The following NRCAM variants were observed in gnomAD, a reference collection of about 807,000 sequenced individuals.
NRCAM encodes NgCAM-related cell adhesion molecule.
NRCAM carries 83 observed loss-of-function variants against 156.5 expected under a neutral mutation model. That is an observed-to-expected ratio of 0.53 (90% CI 0.44 to 0.64). The LOEUF (loss-of-function observed/expected upper bound fraction) is 0.64. NRCAM is among the 30% of genes least tolerant of loss of function. The pLI is 0.00. For synonymous variants in NRCAM, 538 were observed against 563.9 expected, an observed-to-expected ratio of 0.95 and a Z score of 0.65; for missense variants, 1,417 against 1,597.3, an observed-to-expected ratio of 0.89 and a Z score of 1.92.
chr7:108,455,770 C>G (rs913110399), intron 1 of NRCAM, among the ~76,000 whole-genome samples: 1 of 152,200 alleles, frequency 6.6e-6, no homozygotes, highest in Non-Finnish European at 1.5e-5. Flanking sequence ...CGGCCCGGCC[C>G]CCGCGCTCCT....
At chr7:108,231,288 T>C in intron 7 of NRCAM, 135 bp from the exon 8 acceptor site, 1 of 600,352 alleles carries the variant, frequency 1.7e-6, no homozygotes, top group South Asian at 2.7e-5. Flanking sequence ...TGAGAAAATA[T>C]TTTTAAATAC....
At position 108,180,399 on chromosome 7, in the gene NRCAM, G is replaced by A; in HGVS notation, c.2675C>T (p.Ser892Phe). The part of the protein sequence containing the change: ...RIYYWKTQSS[S>F]KRNRRHIEKK... ...CTCAATGTGACGTCTGTTTCTTTTA[G>A]ATGAACTCTGGGTCTTCCAATAGTA... The change falls in exon 25 of 33, where the codon TCT (serine) becomes TTT (phenylalanine). Residue 892 changes from serine (S) to phenylalanine (F), a missense_variant. Ser to Phe is a radical substitution (Grantham distance 155). Around this residue, in one of 2 missense-constraint regions of NRCAM, gnomAD observed 1,238 missense variants for 1,336.4 expected, o/e 0.93. Transcript: ENST00000379028. 6.2e-7 allele frequency: 1 copy of A among 1,614,176 alleles called. No individual in the cohort carries two copies. Among genetic ancestry groups the A allele is most frequent in the Admixed American group, 1.7e-5 (1 of 60,032 alleles).
intron 32 of NRCAM, among the ~76,000 whole-genome samples, chr7:108,155,101 T>TAC (rs58111040): frequency 2.4e-3 from 291 of 123,100 alleles, no homozygotes; most frequent in Middle Eastern, 0.013. Context: ...TATATATATA[T>TAC]ACACACACAC....
At chr7:108,157,860 G>A (rs549073440) in intron 32 of NRCAM, among the ~76,000 whole-genome samples, 1 of 152,248 alleles carries the variant, frequency 6.6e-6, no homozygotes, top group South Asian at 2.1e-4. Context: ...GAGAATGTAT[G>A]AAGGACAATG....
At chr7:108,181,765 G>T in intron 24 of NRCAM, 57 bp downstream of exon 24, 1 of 1,160,318 alleles carries the variant, frequency 8.6e-7, no homozygotes, top group Non-Finnish European at 1.3e-6. Context: ...TGCATGACAA[G>T]TGGCATTCGC....
intron 2 of NRCAM, among the ~76,000 whole-genome samples, chr7:108,358,611 C>T (rs2099524994): frequency 6.6e-6 from 1 of 152,192 alleles, no homozygotes; most frequent in Admixed American, 6.5e-5. Flanking sequence ...CTCCTGAAAG[C>T]TTGCATCTCT....
rs115042173 is a variant in NRCAM at position 108,207,417 on chromosome 7, T to G, written c.1207+111A>C. 15 of 1,059,482 alleles carry G rather than the reference T, an allele frequency of 1.4e-5. No homozygotes were observed. In the Admixed American group the frequency reaches 3.6e-4, roughly 26 times the overall value. The allele number at this position is 1,059,482 out of a possible 1,614,324, so 65.6% of individuals were successfully genotyped here. On this transcript the variant is annotated intron_variant, in intron 13 of 32. Transcript: ENST00000379028. ...ATTTGGTGCCTGTGTTTAACATACA[T>G]GTGGCTTCCTTCCTTAACCTGAGTT...
At chr7:108,390,698 T>A (rs2099756953) in intron 2 of NRCAM, among the ~76,000 whole-genome samples, 1 of 152,208 alleles carries the variant, frequency 6.6e-6, no homozygotes, top group South Asian at 2.1e-4. Flanking sequence ...CTGCTTTCCC[T>A]TGTGGGCATT....
chr7:108,258,975 C>G (rs1027653654), intron 3 of NRCAM, among the ~76,000 whole-genome samples: 4 of 152,170 alleles, frequency 2.6e-5, no homozygotes, highest in Non-Finnish European at 5.9e-5. Flanking sequence ...TACTTACATT[C>G]AAATTAAGAT....
chr7:108,187,114 T>C (rs1015479158), intron 20 of NRCAM, among the ~76,000 whole-genome samples: 1 of 152,174 alleles, frequency 6.6e-6, no homozygotes. Flanking sequence ...ACCATGGTCT[T>C]ACCCAGTCTG....
At chr7:108,338,292 G>T (rs1255404854) in intron 2 of NRCAM, among the ~76,000 whole-genome samples, 1 of 152,174 alleles carries the variant, frequency 6.6e-6, no homozygotes, top group Non-Finnish European at 1.5e-5. Context: ...CCTTACCTCT[G>T]AATCTACTTC....
intron 1 of NRCAM, among the ~76,000 whole-genome samples, chr7:108,412,607 A>G (rs916838040): frequency 2.6e-5 from 4 of 152,166 alleles, no homozygotes; most frequent in Non-Finnish European, 5.9e-5. Flanking sequence ...ATATGTTAAT[A>G]ACTATAGTCA....
chr7:108,391,497 C>T (rs1292412631), intron 2 of NRCAM, among the ~76,000 whole-genome samples: 9 of 151,914 alleles, frequency 5.9e-5, no homozygotes, highest in African/African-American at 2.2e-4. Flanking sequence ...TTCCTGAATA[C>T]AGCACACTGA....
intron 1 of NRCAM, among the ~76,000 whole-genome samples, chr7:108,429,090 T>C (rs1229593348): frequency 6.6e-6 from 1 of 152,216 alleles, no homozygotes; most frequent in African/African-American, 2.4e-5. Flanking sequence ...TATATGTCCT[T>C]AATTGACAAC....
At chr7:108,275,565 G>A (rs1173746243) in intron 3 of NRCAM, among the ~76,000 whole-genome samples, 1 of 152,174 alleles carries the variant, frequency 6.6e-6, no homozygotes, top group Non-Finnish European at 1.5e-5. Context: ...TTGTATTTCT[G>A]CGGGATCGAT....
intron 1 of NRCAM, among the ~76,000 whole-genome samples, chr7:108,426,192 T>C (rs1449009782): frequency 6.6e-6 from 1 of 152,218 alleles, no homozygotes; most frequent in Non-Finnish European, 1.5e-5. Flanking sequence ...ATGTGTCTAA[T>C]TTTATGTTCA....
chr7:108,381,562 T>C (rs60293099), intron 2 of NRCAM, among the ~76,000 whole-genome samples: 20,096 of 104,794 alleles, frequency 0.19, 1,167 homozygotes, highest in East Asian at 0.45. Flanking sequence ...TTTTTTTTTC[T>C]TTTTTTTTTT....
In NRCAM at chr7:108,175,370, G is replaced by A. The variant is rs1202480246; in HGVS notation, c.3152-13C>T. Reference sequence around the variant, plus strand: ...GGAAGAATACCAGCTTTAATGAAGGGAAACAGAAATAGGACACTATATAGT... The same window carrying A: ...GGAAGAATACCAGCTTTAATGAAGGAAAACAGAAATAGGACACTATATAGT... On this transcript the variant is annotated splice_polypyrimidine_tract_variant and intron_variant, in intron 27 of 32. Transcript: ENST00000379028. 1 of 1,559,968 alleles carries A rather than the reference G, an allele frequency of 6.4e-7. No individual in the cohort carries two copies.
intron 28 of NRCAM, among the ~76,000 whole-genome samples, chr7:108,174,168 T>C (rs930444417): frequency 7.2e-5 from 11 of 152,226 alleles, no homozygotes; most frequent in African/African-American, 2.7e-4. Flanking sequence ...CTCTGTGATA[T>C]AGAAATTTTG....
Sources: allele counts gnomAD v4.1 joint callset (sites outside exome capture counted in the v4.1 genomes callset), GRCh38; gene constraint gnomAD v4.1.1; regional missense constraint gnomAD v4.1.1; transcripts MANE v1.5; gene names NCBI Gene and HGNC (gene_info 2026-07-23, HGNC 2026-07-21).